NPDC1: variants seen among roughly 807,000 people sequenced by gnomAD.
NPDC1 encodes the protein neural proliferation differentiation and control protein 1.
NPDC1 carries 18 observed loss-of-function variants against 32.5 expected under a neutral mutation model. The ratio of observed to expected loss-of-function variants is 0.55; its 90% CI spans 0.38 to 0.82. The LOEUF (loss-of-function observed/expected upper bound fraction) is 0.82, where lower values mean the gene tolerates loss of function less well. Ranked by LOEUF, NPDC1 falls within the 40% of genes least tolerant of loss-of-function variation. NPDC1 has a pLI of 0.00. For missense variants in NPDC1, 468 were observed against 406.6 expected, an observed-to-expected ratio of 1.15 and a Z score of -1.30; for synonymous variants, 210 against 184.7, an observed-to-expected ratio of 1.14 and a Z score of -1.11.
Position 137,040,962 on chromosome 9 carries a change from C to T in NPDC1, c.408G>A (p.Arg136=). The stretch of plus-strand genomic sequence containing the variant: ...GGAGGCCCAGCTCCAGCCCCTGCCC[C>T]CGTGCCGAGAAGCCCAGGGTGGCTG... The part of the protein sequence containing the change: ...PEPATLGFSA[R]GQGLELGLPS... The change falls in exon 4 of 9, where the codon CGG becomes CGA. Residue 136 remains arginine (R), a synonymous_variant. Transcript: ENST00000371601. 6.5e-7 allele frequency: 1 copy of T among 1,545,008 alleles called. No individual in the cohort carries two copies. The highest frequency in any genetic ancestry group is 2.1e-5 in the Admixed American group (1 of 47,928).
intron 3 of NPDC1, 31 bp downstream of exon 3, chr9:137,041,031 G>A: frequency 6.6e-7 from 1 of 1,521,476 alleles, no homozygotes; most frequent in Non-Finnish European, 8.8e-7. Context: ...CTAGGGACAG[G>A]GCCGTGGGGC....
At chr9:137,045,414 A>T (rs540688502) in intron 1 of NPDC1, among the ~76,000 whole-genome samples, 17 of 152,322 alleles carry the variant, frequency 1.1e-4, no homozygotes, top group African/African-American at 3.8e-4. Context: ...CCAAGGCGTG[A>T]GGACAGGCAG....
Position 137,045,976 on chromosome 9 carries a change from A to G in NPDC1, c.14T>C (p.Leu5Pro). Residue 5 changes from leucine (L) to proline (P), a missense_variant, in exon 1 of 9, where the codon CTG becomes CCG. Transcript: ENST00000371601. The part of the protein sequence containing the change: MATP[L>P]PPPSPRHLRL... ...CAGGTGCCGCGGGGAGGGCGGAGGC[A>G]GCGGCGTCGCCATCCTTCAGCGCCG... The G allele has an allele frequency of 8.4e-7, 1 of 1,191,794 alleles. No homozygotes were observed. The highest frequency in any genetic ancestry group is 1.0e-6 in the Non-Finnish European group (1 of 962,158). The allele number at this position is 1,191,794 out of a possible 1,614,324, so 73.8% of individuals were successfully genotyped here.
In NPDC1 at chr9:137,040,422, C is replaced by G. The variant is rs1483561828; in HGVS notation, c.723G>C (p.Arg241=). The G allele has an allele frequency of 6.4e-7, 1 of 1,551,498 alleles. No homozygotes were observed. The highest frequency in any genetic ancestry group is 1.4e-5 in the African/African-American group (1 of 73,078). The part of the protein sequence containing the change: ...AAPRISPGDQ[R]LAQSAEMYHY... ...GGTACATCTCCGCGCTCTGTGCCAGCCGCTGGTCCCCAGGCTGTGGGAAGG... is the reference window on the plus strand; with the variant it reads ...GGTACATCTCCGCGCTCTGTGCCAGGCGCTGGTCCCCAGGCTGTGGGAAGG... Residue 241 remains arginine, a synonymous_variant, in exon 7 of 9, where the codon CGG becomes CGC. Coordinates refer to ENST00000371601, the MANE Select transcript of NPDC1 (RefSeq NM_015392.4).
chr9:137,040,807 G>T lies in NPDC1; in HGVS notation c.556+7C>A. 1 of 1,591,260 alleles carries T rather than the reference G, an allele frequency of 6.3e-7. No individual in the cohort carries two copies. ...GCTGCCCCTGCCCACCCCCGACCAA[G>T]ACCTACCAAGGGCGAGGCCGTCGCC... On this transcript the variant is annotated splice_region_variant and intron_variant, in intron 4 of 8. Transcript: ENST00000371601.
intron 1 of NPDC1, 61 bp from the exon 2 acceptor site, chr9:137,043,134 C>A (rs562753877): frequency 1.0e-5 from 16 of 1,569,714 alleles, no homozygotes; most frequent in Non-Finnish European, 1.4e-5. Flanking sequence ...CCCCTGCACA[C>A]GGCAGCGCTG....
In NPDC1 at chr9:137,039,594, A is replaced by T. The variant is rs1215822748; in HGVS notation, c.*178T>A. 1 of 581,064 alleles carries T rather than the reference A, an allele frequency of 1.7e-6. No individual in the cohort carries two copies. The highest frequency in any genetic ancestry group is 3.1e-6 in the Non-Finnish European group (1 of 327,796). 36.0% of individuals were successfully genotyped at this position (581,064 alleles called of 1,614,324 possible). ...AACAGGAGAGGTGCAGGGGACCAGG[A>T]GGTGTCCTGGCACAAAGGTTCGGGG... On this transcript the variant is annotated 3_prime_UTR_variant, in exon 9 of 9. Transcript: ENST00000371601.
intron 2 of NPDC1, among the ~76,000 whole-genome samples, chr9:137,042,624 GA>G (rs1380378413): frequency 8.0e-6 from 1 of 125,596 alleles, no homozygotes; most frequent in Non-Finnish European, 1.6e-5. Flanking sequence ...GTGCAGTGGT[GA>G]ATCGGCTCAC....
intron 2 of NPDC1, 154 bp downstream of exon 2, chr9:137,042,773 G>A (rs1832076852): frequency 1.2e-6 from 1 of 864,772 alleles, no homozygotes; most frequent in Non-Finnish European, 1.8e-6. Flanking sequence ...GGCCAGGCTG[G>A]TCTTGAACTC....
At chr9:137,043,548 C>T (rs934536778) in intron 1 of NPDC1, 14 of 596,580 alleles carry the variant, frequency 2.3e-5, no homozygotes, top group Admixed American at 1.2e-4. Flanking sequence ...CCCCAGAACC[C>T]GGCACTGACA....
At chr9:137,042,730 G>A (rs922931838) in intron 2 of NPDC1, 197 bp downstream of exon 2, 3 of 607,490 alleles carry the variant, frequency 4.9e-6, no homozygotes, top group Admixed American at 6.1e-5. Flanking sequence ...CGGCTACTTT[G>A]TATTTTTAGT....
intron 2 of NPDC1, 33 bp from the exon 3 acceptor site, chr9:137,041,220 G>T: frequency 7.1e-7 from 1 of 1,416,044 alleles, no homozygotes; most frequent in Non-Finnish European, 9.2e-7. Context: ...AGGTGGAGGG[G>T]TCCGTCCAGG....
At chr9:137,045,533 C>G (rs1350498590) in intron 1 of NPDC1, among the ~76,000 whole-genome samples, 1 of 152,212 alleles carries the variant, frequency 6.6e-6, no homozygotes, top group Non-Finnish European at 1.5e-5. Flanking sequence ...CACAGAGACG[C>G]ACACAGGCAG....
In NPDC1 at chr9:137,040,689, G is replaced by C. The variant is rs765614876; in HGVS notation, c.605C>G (p.Ala202Gly). 3.2e-6 allele frequency: 5 copies of C among 1,583,950 alleles called. No individual in the cohort carries two copies. The East Asian group carries it at 1.1e-4, about 36-fold the overall frequency. The change falls in exon 5 of 9, where the codon GCC becomes GGC. Residue 202 changes from alanine (A) to glycine (G), a missense_variant. Transcript: ENST00000371601. ...CVAGAAALSV[A>G]SLCWCRLQRE... ...GGCTCACCTGCACCAGCAGAGGGAGGCTACGGAGAGGGCGGCTGCACCGGC... is the reference window on the plus strand; with the variant it reads ...GGCTCACCTGCACCAGCAGAGGGAGCCTACGGAGAGGGCGGCTGCACCGGC...
rs368058776 is a variant in NPDC1, at chr9:137,040,914, C to T, written c.456G>A (p.Thr152=). 155 of 1,569,550 alleles carry T rather than the reference C, an allele frequency of 9.9e-5. No homozygotes were observed. Among genetic ancestry groups the T allele is most frequent in the Non-Finnish European group, 1.2e-4 (143 of 1,160,504 alleles). ...AGCCCAGGGAGGTGTGGGGCGTGGGCGTGGGGGTTCCTGGAGTGGAGGGGA... is the reference window on the plus strand; with the variant it reads ...AGCCCAGGGAGGTGTGGGGCGTGGGTGTGGGGGTTCCTGGAGTGGAGGGGA... ...LGLPSTPGTP[T]PTPHTSLGSP... is the part of the protein sequence containing the mutation. The change falls in exon 4 of 9, where the codon ACG becomes ACA. Residue 152 remains threonine (T), a synonymous_variant. Transcript: ENST00000371601.
At position 137,039,758 on chromosome 9, in the gene NPDC1, T is replaced by G. The variant is rs757560547; in HGVS notation, c.*14A>C. ...CGAGGTCGGGGAGCAGGTGGGCGTC[T>G]GTCTGCCTCCAGGTCATGGCAGTGC... On this transcript the variant is annotated 3_prime_UTR_variant, in exon 9 of 9. Transcript: ENST00000371601. 2.7e-6 allele frequency: 2 copies of G among 747,158 alleles called. No individual in the cohort carries two copies. The highest frequency in any genetic ancestry group is 5.0e-5 in the East Asian group (2 of 40,374). The allele number at this position is 747,158 out of a possible 1,614,324, so 46.3% of individuals were successfully genotyped here. A position where few individuals can be genotyped will look rare whatever the true frequency, so the allele number is the denominator to read the frequency against.
chr9:137,041,584 G>T (rs968932078), intron 2 of NPDC1, among the ~76,000 whole-genome samples: 4 of 152,172 alleles, frequency 2.6e-5, no homozygotes, highest in Admixed American at 6.5e-5. Flanking sequence ...CCAAGCACCC[G>T]GGACCCCTCC....
chr9:137,043,501 C>G, intron 1 of NPDC1: 1 of 610,504 alleles, frequency 1.6e-6, no homozygotes. Context: ...GAGCAGCAAA[C>G]GATGCCGCCA....
Position 137,040,894 on chromosome 9 carries a change from A to G in NPDC1, c.476T>C (p.Leu159Pro). 1.3e-6 allele frequency: 2 copies of G among 1,590,364 alleles called. No individual in the cohort carries two copies. The highest frequency in any genetic ancestry group is 1.7e-6 in the Non-Finnish European group (2 of 1,170,224). ...CGGGTCGGATGACACAGGGGAGCCCAGGGAGGTGTGGGGCGTGGGCGTGGG... is the reference window on the plus strand; with the variant it reads ...CGGGTCGGATGACACAGGGGAGCCCGGGGAGGTGTGGGGCGTGGGCGTGGG... ...GTPTPTPHTS[L>P]GSPVSSDPVH... The change falls in exon 4 of 9, where the codon CTG becomes CCG. Residue 159 changes from leucine (L) to proline (P), a missense_variant. Physicochemically the swap from Leu to Pro is moderately conservative, Grantham distance 98 (BLOSUM62 -3). Coordinates refer to ENST00000371601, the MANE Select transcript of NPDC1 (RefSeq NM_015392.4).
Sources: gnomAD v4.1 joint callset for allele counts (sites outside exome capture counted in the v4.1 genomes callset) on GRCh38, gnomAD v4.1.1 for gene constraint, MANE v1.5 for transcripts, NCBI Gene and HGNC (gene_info 2026-07-23, HGNC 2026-07-21) for gene names.